The following MCF2L variants were observed in gnomAD, a reference collection of about 807,000 sequenced individuals.
The protein encoded by MCF2L is guanine nucleotide exchange factor DBS.
In MCF2L, 97 loss-of-function variants were observed where a neutral mutation model predicts 153.4. That is an observed-to-expected ratio of 0.63 (90% CI 0.54 to 0.75). The LOEUF is 0.75. Ranked by LOEUF, MCF2L falls within the 30% of genes least tolerant of loss-of-function variation. The pLI, the probability that MCF2L is intolerant of heterozygous loss-of-function variation, is 0.00. For synonymous variants in MCF2L, 659 were observed against 632.2 expected, an observed-to-expected ratio of 1.04 and a Z score of -0.64; for missense variants, 1,347 against 1,495.2, an observed-to-expected ratio of 0.90 and a Z score of 1.64.
intron 4 of MCF2L, among the ~76,000 whole-genome samples, chr13:113,060,283 C>T (rs1361622665): frequency 6.6e-6 from 1 of 152,240 alleles, no homozygotes; most frequent in Non-Finnish European, 1.5e-5. Flanking sequence ...GGGAGTTAGG[C>T]TTCGACATCA....
chr13:112,923,409 G>A (rs1374740168), intron 2 of MCF2L, among the ~76,000 whole-genome samples: 2 of 151,498 alleles, frequency 1.3e-5, no homozygotes, highest in Non-Finnish European at 2.9e-5. Flanking sequence ...GACTACAGGC[G>A]CCCGCCACCA....
chr13:113,076,201 G>C, intron 12 of MCF2L, 44 bp downstream of exon 12: 1 of 1,418,296 alleles, frequency 7.1e-7, no homozygotes, highest in Non-Finnish European at 9.7e-7. Context: ...GCTGTCCCGA[G>C]CAGTGAGGCA....
chr13:113,057,933 G>A (rs2030496315), intron 4 of MCF2L, among the ~76,000 whole-genome samples: 1 of 145,504 alleles, frequency 6.9e-6, no homozygotes. Flanking sequence ...TGAGTGTTGG[G>A]TGCTGAGTGT....
chr13:112,988,332 A>G (rs2082733047), intron 1 of MCF2L, among the ~76,000 whole-genome samples: 1 of 152,126 alleles, frequency 6.6e-6, no homozygotes. Flanking sequence ...TTTCTAAAAT[A>G]GTGGAAAGGA....
rs780868841 is a variant in MCF2L, at chr13:113,074,604, C to T, written c.1116+41C>T. The stretch of plus-strand genomic sequence containing the variant: ...GGCGGGGGCGGCGGGAGAGTGTGGG[C>T]AGCATCATCAAGTGCTGCTCAGGAA... On this transcript the variant is annotated intron_variant, in intron 10 of 29. Transcript: ENST00000535094. This position sits in a 1 kb window ranked among gnomAD's most constrained non-coding sequence, Gnocchi z 4.2. 1 of 1,606,524 alleles carries T rather than the reference C, an allele frequency of 6.2e-7. No homozygotes were observed. Among genetic ancestry groups the T allele is most frequent in the Admixed American group, 1.7e-5 (1 of 59,926 alleles).
At chr13:113,012,402 T>A (rs1305727657) in intron 1 of MCF2L, among the ~76,000 whole-genome samples, 2 of 90,272 alleles carry the variant, frequency 2.2e-5, no homozygotes, top group Admixed American at 1.1e-4. Context: ...GTGGACACTG[T>A]GATGCGGACG....
At chr13:112,958,102 TCTCTTTCC>T (rs1325218163) in intron 2 of MCF2L, 3 of 152,248 alleles carry the variant, frequency 2.0e-5, no homozygotes, top group African/African-American at 7.2e-5. Context: ...TTGAGGTGTT[TCTCTTTCC>T]CTGATGCCTC....
chr13:112,902,241 T>C, exon 2 of MCF2L: 1 of 1,612,874 alleles, frequency 6.2e-7, no homozygotes. Flanking sequence ...GCAAGAGACC[T>C]GGAAGCAACA....
intron 2 of MCF2L, among the ~76,000 whole-genome samples, chr13:112,925,539 C>T (rs550024652): frequency 1.3e-4 from 20 of 152,272 alleles, no homozygotes; most frequent in Admixed American, 2.6e-4. Flanking sequence ...CAAAGCTACA[C>T]GAGAAGAAAT....
At chr13:113,096,221 C>T (rs1202927679) in intron 27 of MCF2L, 150 bp from the exon 28 acceptor site, 5 of 650,486 alleles carry the variant, frequency 7.7e-6, no homozygotes, top group Non-Finnish European at 1.3e-5. Flanking sequence ...GTAGCCTCCT[C>T]CCAAGGCTGG....
chr13:112,915,072 C>T (rs2081276630), intron 2 of MCF2L, among the ~76,000 whole-genome samples: 1 of 151,924 alleles, frequency 6.6e-6, no homozygotes, highest in Admixed American at 6.6e-5. Flanking sequence ...AGTATGGGTC[C>T]AAGTTTGCTT....
intron 2 of MCF2L, among the ~76,000 whole-genome samples, chr13:112,914,706 T>C (rs1292516691): frequency 1.3e-5 from 2 of 152,222 alleles, no homozygotes; most frequent in African/African-American, 2.4e-5. Flanking sequence ...ATCTCATGCG[T>C]GAGATTGAAC....
At chr13:112,968,761 C>T (rs1399508896), upstream of MCF2L, 1 of 1,371,018 alleles carries the variant, frequency 7.3e-7, no homozygotes, top group East Asian at 3.1e-5. Context: ...GGCAGCTGCA[C>T]TCGCTCGGTC....
At chr13:113,075,283 G>A in intron 11 of MCF2L, 94 bp downstream of exon 11, 4 of 1,205,242 alleles carry the variant, frequency 3.3e-6, no homozygotes, top group South Asian at 3.1e-5. Context: ...GTCGTGGGGA[G>A]GGCAGCTCTT....
In MCF2L at chr13:113,094,543, G is replaced by A; in HGVS notation, c.2983G>A (p.Ala995Thr). The A allele has an allele frequency of 2.5e-6, 4 of 1,612,470 alleles. No homozygotes were observed. Among genetic ancestry groups the A allele is most frequent in the Non-Finnish European group, 3.4e-6 (4 of 1,179,658 alleles). ...GWSKTSHSLEAPEDDGGWSSA... is the reference protein window; with the variant it reads ...GWSKTSHSLETPEDDGGWSSA... ...GAGCAAAACGTCCCACTCACTGGAG[G>A]CACCTGAGGACGACGGGGGCTGGTC... Residue 995 changes from alanine to threonine, a missense_variant, in exon 27 of 30, where the codon GCA (alanine) becomes ACA (threonine). This residue lies in a region of MCF2L where 383 missense variants were observed against 335.4 expected (regional missense o/e 1.14). Transcript: ENST00000535094.
chr13:113,094,322 G>A (rs61966412), intron 26 of MCF2L, 192 bp from the exon 27 acceptor site: 12 of 443,814 alleles, frequency 2.7e-5, no homozygotes, highest in Admixed American at 8.3e-5. Context: ...ACCCTGAAAC[G>A]TGCCAGGCAT....
intron 1 of MCF2L, among the ~76,000 whole-genome samples, chr13:112,985,969 G>T (rs186863367): frequency 2.6e-5 from 4 of 152,354 alleles, no homozygotes; most frequent in Admixed American, 6.5e-5. Flanking sequence ...GGTCAGCCGT[G>T]CAGGGAGCTG....
chr13:113,079,717 G>T (rs1000143937), intron 15 of MCF2L, among the ~76,000 whole-genome samples: 20 of 151,952 alleles, frequency 1.3e-4, no homozygotes, highest in Non-Finnish European at 2.4e-4. Flanking sequence ...AGGAAGAGGG[G>T]CTTGCCAAGA....
At chr13:113,007,022 C>T (rs916677104) in intron 1 of MCF2L, among the ~76,000 whole-genome samples, 22 of 152,302 alleles carry the variant, frequency 1.4e-4, no homozygotes, top group East Asian at 1.9e-4. Flanking sequence ...CTGCGTCCCT[C>T]ATCCTGAAAC....
Sources: allele counts gnomAD v4.1 joint callset (sites outside exome capture counted in the v4.1 genomes callset), GRCh38; gene constraint gnomAD v4.1.1; regional missense constraint gnomAD v4.1.1; non-coding constraint Gnocchi (gnomAD v3.1); transcripts MANE v1.5; gene names NCBI Gene and HGNC (gene_info 2026-07-23, HGNC 2026-07-21).